ENOX1: variants seen among roughly 807,000 people sequenced by gnomAD.
ENOX1 encodes the protein ecto-NOX disulfide-thiol exchanger 1, also known as candidate growth-related and time keeping constitutive hydroquinone (NADH) oxidase.
ENOX1 carries 42 observed loss-of-function variants against 82.5 expected under a neutral mutation model. That is an observed-to-expected ratio of 0.51 (90% CI 0.40 to 0.66). The LOEUF is 0.66. Ranked by LOEUF, ENOX1 falls within the 30% of genes least tolerant of loss-of-function variation. ENOX1 has a pLI of 0.00. For synonymous variants in ENOX1, 271 were observed against 282.2 expected (o/e 0.96, Z 0.40); for missense variants, 608 against 811.6 (o/e 0.75, Z 3.05).
chr13:43,600,722 C>T (rs1270202159), intron 2 of ENOX1, among the ~76,000 whole-genome samples: 1 of 152,138 alleles, frequency 6.6e-6, no homozygotes, highest in Non-Finnish European at 1.5e-5. Context: ...TTCGGCAAGA[C>T]CCAGTGCTGT....
chr13:43,571,401 G>A (rs1009487855), intron 2 of ENOX1, among the ~76,000 whole-genome samples: 2 of 152,098 alleles, frequency 1.3e-5, no homozygotes, highest in Non-Finnish European at 2.9e-5. Flanking sequence ...AAAGTAGGCC[G>A]GGCGCGGTGG....
chr13:43,720,292 C>G (rs1429208848), intron 1 of ENOX1, among the ~76,000 whole-genome samples: 1 of 152,166 alleles, frequency 6.6e-6, no homozygotes, highest in African/African-American at 2.4e-5. Context: ...TAGGGCTGCT[C>G]CCTGAACCTA....
At chr13:43,723,057 C>T (rs542184241) in intron 1 of ENOX1, among the ~76,000 whole-genome samples, 1 of 152,282 alleles carries the variant, frequency 6.6e-6, no homozygotes, top group South Asian at 2.1e-4. Flanking sequence ...CCAAACTGTC[C>T]CCACACCTTA....
At chr13:43,664,312 C>A (rs2153787198) in intron 2 of ENOX1, among the ~76,000 whole-genome samples, 1 of 152,240 alleles carries the variant, frequency 6.6e-6, no homozygotes, top group East Asian at 1.9e-4. Flanking sequence ...GGAGTAAAGA[C>A]AAAGCAACAA....
At chr13:43,273,895 G>A (rs773319904) in intron 12 of ENOX1, among the ~76,000 whole-genome samples, 7 of 152,052 alleles carry the variant, frequency 4.6e-5, no homozygotes, top group Non-Finnish European at 1.0e-4. Context: ...CAATGATTAG[G>A]TTACCTCTAA....
At chr13:43,508,772 T>C (rs1412313886) in intron 2 of ENOX1, among the ~76,000 whole-genome samples, 1 of 146,452 alleles carries the variant, frequency 6.8e-6, no homozygotes, top group Non-Finnish European at 1.5e-5. Flanking sequence ...ATTACACAGT[T>C]AGAACTAAAA....
rs371824797 is a variant in ENOX1 at position 43,356,106 on chromosome 13, G to A, written c.636C>T (p.Gly212=). ...CCTGGGCAAAGTCCACATGAAGGCG[G>A]CCTGAATCCTTTTTGTCGGTGCTAG... The part of the protein sequence containing the change: ...LGSSTDKKDS[G]RLHVDFAQAR... The change falls in exon 8 of 17, where the codon GGC becomes GGT. Residue 212 remains glycine (G), a synonymous_variant. Coordinates refer to ENST00000690772, the MANE Select transcript of ENOX1 (RefSeq NM_001347969.2). 2 of 1,614,022 alleles carry A rather than the reference G, an allele frequency of 1.2e-6. No individual in the cohort carries two copies. Among genetic ancestry groups the A allele is most frequent in the African/African-American group, 2.7e-5 (2 of 74,916 alleles).
At chr13:43,521,991 T>A (rs897085248) in intron 2 of ENOX1, among the ~76,000 whole-genome samples, 2 of 152,268 alleles carry the variant, frequency 1.3e-5, no homozygotes, top group Admixed American at 1.3e-4. Context: ...ATAGAATCAA[T>A]CCTACATGTA....
intron 2 of ENOX1, among the ~76,000 whole-genome samples, chr13:43,620,782 T>G (rs1292893526): frequency 1.3e-5 from 2 of 152,210 alleles, no homozygotes; most frequent in Non-Finnish European, 2.9e-5. Flanking sequence ...AGGTATAGTT[T>G]AAATCCATTG....
chr13:43,499,622 C>A (rs1374077945), intron 2 of ENOX1, among the ~76,000 whole-genome samples: 1 of 151,982 alleles, frequency 6.6e-6, no homozygotes, highest in Non-Finnish European at 1.5e-5. Context: ...GCTTTCCCTA[C>A]CAAAACCAGT....
chr13:43,602,344 C>A (rs554541382), intron 2 of ENOX1, among the ~76,000 whole-genome samples: 6 of 152,046 alleles, frequency 3.9e-5, no homozygotes, highest in Non-Finnish European at 7.4e-5. Context: ...AAGATATAAA[C>A]AGGCAACTCA....
intron 2 of ENOX1, among the ~76,000 whole-genome samples, chr13:43,633,688 ATG>A (rs59390732): frequency 0.089 from 13,361 of 150,102 alleles, 601 homozygotes; most frequent in Middle Eastern, 0.15. Flanking sequence ...AAATGTGTGT[ATG>A]TGTGTGTGTG....
chr13:43,223,753 T>C (rs1267738043), intron 16 of ENOX1, among the ~76,000 whole-genome samples: 1 of 152,212 alleles, frequency 6.6e-6, no homozygotes, highest in African/African-American at 2.4e-5. Flanking sequence ...ATTTCACCCT[T>C]ATTTTGGGAA....
At chr13:43,677,187 A>T (rs895021723) in intron 1 of ENOX1, among the ~76,000 whole-genome samples, 11 of 152,160 alleles carry the variant, frequency 7.2e-5, no homozygotes, top group African/African-American at 2.2e-4. Flanking sequence ...CAGGAAAGGC[A>T]GATGGCAAGC....
At chr13:43,495,101 A>G (rs2076748302) in intron 2 of ENOX1, among the ~76,000 whole-genome samples, 1 of 152,162 alleles carries the variant, frequency 6.6e-6, no homozygotes, top group Non-Finnish European at 1.5e-5. Flanking sequence ...ATTCCTTCCT[A>G]TGTTTTATGA....
chr13:43,616,204 A>ATATATATATATTTTTTTTT (rs1457149422), intron 2 of ENOX1, among the ~76,000 whole-genome samples: 1 of 15,300 alleles, frequency 6.5e-5, no homozygotes, highest in Non-Finnish European at 2.1e-4. Flanking sequence ...ATATATATAT[A>ATATATATATATTTTTTTTT]TTTTTTTTTT....
intron 2 of ENOX1, among the ~76,000 whole-genome samples, chr13:43,602,680 G>A (rs1337890605): frequency 2.0e-5 from 3 of 151,992 alleles, no homozygotes; most frequent in Non-Finnish European, 4.4e-5. Flanking sequence ...TAGGATATAC[G>A]TTAGGATATC....
chr13:43,442,218 AC>A (rs2056401007), intron 3 of ENOX1, among the ~76,000 whole-genome samples: 1 of 152,172 alleles, frequency 6.6e-6, no homozygotes. Flanking sequence ...ACATTTTAAA[AC>A]CTGCATTTGA....
intron 1 of ENOX1, among the ~76,000 whole-genome samples, chr13:43,734,199 G>GTTGGTT (rs956734991): frequency 5.3e-5 from 8 of 150,998 alleles, no homozygotes; most frequent in African/African-American, 2.0e-4. Flanking sequence ...TTTTGTTGTT[G>GTTGGTT]GTTGTTGTTG....
Sources: gnomAD v4.1 joint callset for allele counts (sites outside exome capture counted in the v4.1 genomes callset) on GRCh38, gnomAD v4.1.1 for gene constraint, MANE v1.5 for transcripts, NCBI Gene and HGNC (gene_info 2026-07-23, HGNC 2026-07-21) for gene names.